Variants in NR4A2 observed in about 807,000 individuals in gnomAD.
The protein encoded by NR4A2 is NGFI-B/nur77 beta-type transcription factor homolog.
In NR4A2, 1 loss-of-function variant was observed where a neutral mutation model predicts 50.5. The observed-to-expected ratio is 0.02, with a 90% CI of 0.01 to 0.09. The LOEUF is 0.09. Ranked by LOEUF, NR4A2 falls within the 10% of genes least tolerant of loss-of-function variation. The pLI, the probability that NR4A2 is intolerant of heterozygous loss-of-function variation, is 1.00. For synonymous variants in NR4A2, 328 were observed against 309.4 expected (o/e 1.06, Z -0.63); for missense variants, 613 against 777.3 (o/e 0.79, Z 2.51).
In NR4A2 at chr2:156,328,161, A is replaced by G; in HGVS notation, c.995-147T>C. 8.5e-7 allele frequency: 1 copy of G among 1,175,138 alleles called. No individual in the cohort carries two copies. The highest frequency in any genetic ancestry group is 1.2e-6 in the Non-Finnish European group (1 of 819,076). The allele number at this position is 1,175,138 out of a possible 1,614,324, so 72.8% of individuals were successfully genotyped here. On this transcript the variant is annotated intron_variant, in intron 4 of 7. Transcript: ENST00000339562. The surrounding 1 kb of genome is among the most constrained non-coding windows in gnomAD (Gnocchi z 4.9). ...GCTTGTAAAGCCTTCACTGACTAGAAGCATTAAAAAATGCGGGGTTATTTT... is the reference window on the plus strand; with the variant it reads ...GCTTGTAAAGCCTTCACTGACTAGAGGCATTAAAAAATGCGGGGTTATTTT...
chr2:156,332,544 CCCGGGCG>C lies in NR4A2; in HGVS notation c.-198_-192del, dbSNP rs1452243073. 7.8e-7 allele frequency: 1 copy of C among 1,288,032 alleles called. No individual in the cohort carries two copies. Among genetic ancestry groups the C allele is most frequent in the Admixed American group, 2.3e-5 (1 of 43,564 alleles). The allele number at this position is 1,288,032 out of a possible 1,614,324, so 79.8% of individuals were successfully genotyped here. On this transcript the variant is annotated 5_prime_UTR_variant, in exon 1 of 8. Coordinates refer to ENST00000339562, the MANE Select transcript of NR4A2 (RefSeq NM_006186.4). ...GCCGAAGTGCAGTTCCCTCTGGGAG[CCCGGGCG>C]CCGGGGTCGGGTAGGGGTGGGAGAG...
At chr2:156,331,181 T>C (rs949806781) in intron 1 of NR4A2, among the ~76,000 whole-genome samples, 1 of 152,196 alleles carries the variant, frequency 6.6e-6, no homozygotes, top group South Asian at 2.1e-4. Flanking sequence ...GAACCTTCTC[T>C]TGCATTTTTT....
rs781343109 is a variant in NR4A2, at chr2:156,326,780, G to A, written c.1299C>T (p.Ala433=). 6 of 1,614,204 alleles carry A rather than the reference G, an allele frequency of 3.7e-6. No individual in the cohort carries two copies. Among genetic ancestry groups the A allele is most frequent in the Admixed American group, 1.7e-5 (1 of 60,026 alleles). ...KIPGFADLPK[A]DQDLLFESAF... is the part of the protein sequence containing the mutation. ...CTGATTCAAAAAGCAGGTCTTGGTC[G>A]GCTTTGGGCAGGTCTGCGAAGCCAG... Residue 433 remains alanine, a synonymous_variant, in exon 6 of 8, where the codon GCC becomes GCT. Transcript: ENST00000339562. This position sits in a 1 kb window ranked among gnomAD's most constrained non-coding sequence, Gnocchi z 4.2.
At position 156,329,591 on chromosome 2, in the gene NR4A2, T is replaced by G. The variant is rs747043926; in HGVS notation, c.596A>C (p.His199Pro). 6.2e-7 allele frequency: 1 copy of G among 1,607,738 alleles called. No homozygotes were observed. Among genetic ancestry groups the G allele is most frequent in the Non-Finnish European group, 8.5e-7 (1 of 1,176,910 alleles). Residue 199 changes from histidine to proline, a missense_variant, in exon 3 of 8, where the codon CAC becomes CCC. By Grantham distance (77) the His-to-Pro change is moderately conservative. Coordinates refer to ENST00000339562, the MANE Select transcript of NR4A2 (RefSeq NM_006186.4). This position sits in a 1 kb window ranked among gnomAD's most constrained non-coding sequence, Gnocchi z 7.5. ...GGCGGGCTCCGGGTTCATGGGGACG[T>G]GCAGGGGCCCGTCGAAGCGCATCTG... is the stretch of plus-strand genomic sequence containing the variant. ...SCQMRFDGPL[H>P]VPMNPEPAGS...
chr2:156,327,348 C>G (rs1686695179), intron 5 of NR4A2, among the ~76,000 whole-genome samples: 2 of 152,164 alleles, frequency 1.3e-5, no homozygotes, highest in South Asian at 4.1e-4. Context: ...TAAAAAGGAT[C>G]TGACCACTTG....
In NR4A2 at chr2:156,325,912, A is replaced by C. The variant is rs148352799; in HGVS notation, c.1629T>G (p.Asn543Lys). 2 of 1,614,104 alleles carry C rather than the reference A, an allele frequency of 1.2e-6. No individual in the cohort carries two copies. Among genetic ancestry groups the C allele is most frequent in the Non-Finnish European group, 1.7e-6 (2 of 1,180,040 alleles). ...AATAATTGGGGCGGTTCAACCCCCC[A>C]TTGTTGAAAGTCACGTGGTCTTTGA... is the stretch of plus-strand genomic sequence containing the variant. ...NCLKDHVTFN[N>K]GGLNRPNYLS... is the part of the protein sequence containing the mutation. The change falls in exon 8 of 8, where the codon AAT becomes AAG. Residue 543 changes from asparagine (N) to lysine (K), a missense_variant. This residue lies in a region of NR4A2 where 250 missense variants were observed against 311.3 expected (regional missense o/e 0.80). Transcript: ENST00000339562.
intron 1 of NR4A2, among the ~76,000 whole-genome samples, 165 bp downstream of exon 1, chr2:156,332,315 C>T (rs1025414702): frequency 3.3e-5 from 5 of 152,208 alleles, no homozygotes; most frequent in African/African-American, 1.2e-4. Context: ...ACAAATGCCC[C>T]CCGGTAACTG....
chr2:156,328,081 C>T lies in NR4A2; in HGVS notation c.995-67G>A. 7 of 1,558,944 alleles carry T rather than the reference C, an allele frequency of 4.5e-6. No individual in the cohort carries two copies. The highest frequency in any genetic ancestry group is 6.1e-6 in the Non-Finnish European group (7 of 1,150,058). ...AGGCCCAGCTGCTGCCTCGGTCCCT[C>T]CCCGGGGAAGGCCGCAGCCGCGGGG... On this transcript the variant is annotated intron_variant, in intron 4 of 7. Coordinates refer to ENST00000339562, the MANE Select transcript of NR4A2 (RefSeq NM_006186.4). This position sits in a 1 kb window ranked among gnomAD's most constrained non-coding sequence, Gnocchi z 4.9.
chr2:156,328,131 C>T lies in NR4A2; in HGVS notation c.995-117G>A. 1 of 1,371,682 alleles carries T rather than the reference C, an allele frequency of 7.3e-7. No homozygotes were observed. 85.0% of individuals were successfully genotyped at this position (1,371,682 alleles called of 1,614,324 possible). A position where few individuals can be genotyped will look rare whatever the true frequency, so the allele number is the denominator to read the frequency against. ...GCACCAGGCTGAGCGGCTGAGGGCC[C>T]CAGTGCTTGTAAAGCCTTCACTGAC... On this transcript the variant is annotated intron_variant, in intron 4 of 7. Coordinates refer to ENST00000339562, the MANE Select transcript of NR4A2 (RefSeq NM_006186.4). The surrounding 1 kb of genome is among the most constrained non-coding windows in gnomAD (Gnocchi z 4.9).
chr2:156,329,807 G>A lies in NR4A2; in HGVS notation c.380C>T (p.Pro127Leu), dbSNP rs1686838585. The change falls in exon 3 of 8, where the codon CCC becomes CTC. Residue 127 changes from proline (P) to leucine (L), a missense_variant. By Grantham distance (98) the Pro-to-Leu change is moderately conservative (BLOSUM62 -3). This residue lies in a region of NR4A2 where 275 missense variants were observed against 248.9 expected (regional missense o/e 1.10). Transcript: ENST00000339562. This position sits in a 1 kb window ranked among gnomAD's most constrained non-coding sequence, Gnocchi z 7.5. ...GAAGCCCGGGGTGGTGGGCGTCGGG[G>A]GCGAGGAGGGCTTGTAGTAAACCGA... is the stretch of plus-strand genomic sequence containing the variant. ...SGSVYYKPSS[P>L]PTPTTPGFQV... 6.2e-7 allele frequency: 1 copy of A among 1,613,770 alleles called. No homozygotes were observed. The highest frequency in any genetic ancestry group is 8.5e-7 in the Non-Finnish European group (1 of 1,179,696).
chr2:156,326,352 G>C lies in NR4A2; in HGVS notation c.1362-24C>G, dbSNP rs966715111. On this transcript the variant is annotated intron_variant, in intron 6 of 7. Coordinates refer to ENST00000339562, the MANE Select transcript of NR4A2 (RefSeq NM_006186.4). The surrounding 1 kb of genome is among the most constrained non-coding windows in gnomAD (Gnocchi z 4.2). ...ACCTGCAATTAATACCAAAGAGAGAGAGGGGAGAAAAAGAGAGAGAGAAAA... is the reference window on the plus strand; with the variant it reads ...ACCTGCAATTAATACCAAAGAGAGACAGGGGAGAAAAAGAGAGAGAGAAAA... 2.4e-5 allele frequency: 39 copies of C among 1,604,988 alleles called. No homozygotes were observed. In the Admixed American group the frequency reaches 6.3e-4, roughly 26 times the overall value.
rs1295038797 is a variant in NR4A2 at position 156,329,895 on chromosome 2, G to A, written c.292C>T (p.His98Tyr). Residue 98 changes from histidine (H) to tyrosine (Y), a missense_variant, in exon 3 of 8, where the codon CAC becomes TAC. By Grantham distance (83) the His-to-Tyr change is moderately conservative. Transcript: ENST00000339562. This position sits in a 1 kb window ranked among gnomAD's most constrained non-coding sequence, Gnocchi z 7.5. Reference protein sequence around the residue: ...SSIKVEDIQMHNYQQHSHLPP... With the variant: ...SSIKVEDIQMYNYQQHSHLPP... ...AGGTGGCTGTGTTGCTGGTAGTTGT[G>A]CATCTGAATGTCTTCTACCTTAATG... 1.9e-6 allele frequency: 3 copies of A among 1,614,164 alleles called. No individual in the cohort carries two copies. The highest frequency in any genetic ancestry group is 2.5e-6 in the Non-Finnish European group (3 of 1,180,024).
intron 5 of NR4A2, among the ~76,000 whole-genome samples, chr2:156,327,461 A>T (rs1181138370): frequency 6.6e-6 from 1 of 152,094 alleles, no homozygotes; most frequent in Non-Finnish European, 1.5e-5. Flanking sequence ...AAGGATGAGG[A>T]TTAAAGCATC....
chr2:156,329,989 G>C lies in NR4A2; in HGVS notation c.198C>G (p.Asn66Lys). Residue 66 changes from asparagine (N) to lysine (K), a missense_variant, in exon 3 of 8, where the codon AAC becomes AAG. By Grantham distance (94) the Asn-to-Lys change is moderately conservative (BLOSUM62 0). Transcript: ENST00000339562. This position sits in a 1 kb window ranked among gnomAD's most constrained non-coding sequence, Gnocchi z 7.5. Reference sequence around the variant, plus strand: ...GCTTGACGTCGTAGCCTGTGCTGTAGTTGTCCATAAAGGTACTGAAGCTGG... The same window carrying C: ...GCTTGACGTCGTAGCCTGTGCTGTACTTGTCCATAAAGGTACTGAAGCTGG... The part of the protein sequence containing the change: ...SLPSFSTFMD[N>K]YSTGYDVKPP... The C allele has an allele frequency of 1.2e-6, 2 of 1,614,216 alleles. No homozygotes were observed. The highest frequency in any genetic ancestry group is 1.7e-6 in the Non-Finnish European group (2 of 1,180,048).
At chr2:156,327,057 T>C in intron 5 of NR4A2, 137 bp from the exon 6 acceptor site, 1 of 800,664 alleles carries the variant, frequency 1.2e-6, no homozygotes, top group Admixed American at 2.0e-5. Flanking sequence ...GGAAATTAGA[T>C]GTTCCGGGGC....
chr2:156,330,124 G>A lies in NR4A2; in HGVS notation c.63C>T (p.Ser21=), dbSNP rs187674978. 2.5e-6 allele frequency: 4 copies of A among 1,614,140 alleles called. No individual in the cohort carries two copies. In the East Asian group the frequency reaches 8.9e-5, roughly 36 times the overall value. ...SPQGASPASQ[S]YSYHSSGEYS... ...ATTCTCCCGAAGAGTGGTAACTGTA[G>A]CTCTGAGAAGCGGGGCTGGCTCCTT... Residue 21 remains serine (S), a synonymous_variant, in exon 3 of 8, where the codon AGC becomes AGT. Coordinates refer to ENST00000339562, the MANE Select transcript of NR4A2 (RefSeq NM_006186.4).
chr2:156,324,911 C>T lies in NR4A2; in HGVS notation c.*833G>A, dbSNP rs1686573801. ...TCTGATGTGTAATACTTGTGCCCAC[C>T]TATTTTACAATTGAGAAAATGTTTA... On this transcript the variant is annotated 3_prime_UTR_variant, in exon 8 of 8. Transcript: ENST00000339562. The T allele has an allele frequency of 6.6e-6, 1 of 152,600 alleles. No individual in the cohort carries two copies. The highest frequency in any genetic ancestry group is 6.5e-5 in the Admixed American group (1 of 15,280). The allele number at this position is 152,600 out of a possible 1,614,324, so 9.5% of individuals were successfully genotyped here. A position where few individuals can be genotyped will look rare whatever the true frequency, so the allele number is the denominator to read the frequency against.
In NR4A2 at chr2:156,328,449, A is replaced by G; in HGVS notation, c.949T>C (p.Tyr317His). 6.2e-7 allele frequency: 1 copy of G among 1,614,238 alleles called. No homozygotes were observed. The highest frequency in any genetic ancestry group is 8.5e-7 in the Non-Finnish European group (1 of 1,180,036). The part of the protein sequence containing the change: ...VDKRRRNRCQ[Y>H]CRFQKCLAVG... ...GCCAGGCACTTCTGAAATCGGCAGT[A>G]CTGACAGCGATTCCGGCGACGCTTG... Residue 317 changes from tyrosine (Y) to histidine (H), a missense_variant, in exon 4 of 8, where the codon TAC becomes CAC. Tyr to His is a moderately conservative substitution (Grantham distance 83). This residue lies in a region of NR4A2 where 27 missense variants were observed against 120.7 expected (regional missense o/e 0.22). Coordinates refer to ENST00000339562, the MANE Select transcript of NR4A2 (RefSeq NM_006186.4). This position sits in a 1 kb window ranked among gnomAD's most constrained non-coding sequence, Gnocchi z 4.9.
At chr2:156,330,319 G>A in intron 2 of NR4A2, 131 bp from the exon 3 acceptor site, 1 of 1,051,756 alleles carries the variant, frequency 9.5e-7, no homozygotes, top group Admixed American at 2.0e-5. Context: ...GAGAGGAAAG[G>A]CAGGAGAGAG....
Sources: gnomAD v4.1 joint callset for allele counts (sites outside exome capture counted in the v4.1 genomes callset) on GRCh38, gnomAD v4.1.1 for gene constraint, gnomAD v4.1.1 regional missense constraint, Gnocchi (gnomAD v3.1) non-coding constraint, MANE v1.5 for transcripts, NCBI Gene and HGNC (gene_info 2026-07-23, HGNC 2026-07-21) for gene names.